PTPRD: variants seen among roughly 807,000 people sequenced by gnomAD.
PTPRD encodes protein tyrosine phosphatase receptor type D.
Under a neutral mutation model 214.5 loss-of-function variants are expected in PTPRD, and 34 were observed. The observed-to-expected ratio is 0.16, with a 90% CI of 0.12 to 0.21. The LOEUF is 0.21. PTPRD is among the 10% of genes least tolerant of loss of function. PTPRD has a pLI of 1.00. For missense variants in PTPRD, 2,545 were observed against 2,398.7 expected (o/e 1.06, Z -1.27); for synonymous variants, 1,128 against 845.7 (o/e 1.33, Z -5.79).
At chr9:9,026,457 A>G (rs3887368) in intron 10 of PTPRD, among the ~76,000 whole-genome samples, 19,641 of 151,918 alleles carry the variant, frequency 0.13, 1,520 homozygotes, top group East Asian at 0.33. Flanking sequence ...GATCAAGCCT[A>G]TTATCTGTTA....
At chr9:10,128,482 C>G (rs1030596371) in intron 3 of PTPRD, among the ~76,000 whole-genome samples, 1 of 152,130 alleles carries the variant, frequency 6.6e-6, no homozygotes, top group Non-Finnish European at 1.5e-5. Context: ...GAAGCTATGA[C>G]TGAGGCATGA....
rs545688779 is a variant in PTPRD at position 9,510,659 on chromosome 9, A to G, written c.-237+64073T>C. ...GGCAAAATTACTTTTTTTTTTTTCT[A>G]GAAAAAAACATTTGCCATTCCTTTC... is the stretch of plus-strand genomic sequence containing the variant. On this transcript the variant is annotated intron_variant, in intron 8 of 45. Coordinates refer to ENST00000381196, the MANE Select transcript of PTPRD (RefSeq NM_002839.4). 7.3e-5 allele frequency among the ~76,000 whole-genome samples: 11 copies of G among 149,812 alleles called. No homozygotes were observed. In the South Asian group the frequency reaches 2.3e-3, roughly 31 times the overall value.
intron 8 of PTPRD, among the ~76,000 whole-genome samples, chr9:9,484,841 C>T (rs538075174): frequency 1.3e-5 from 2 of 152,160 alleles, no homozygotes; most frequent in Non-Finnish European, 2.9e-5. Flanking sequence ...TCTATATACC[C>T]GGTTTTTATT....
intron 11 of PTPRD, among the ~76,000 whole-genome samples, chr9:8,871,369 CAT>C (rs994929050): frequency 5.4e-5 from 6 of 111,572 alleles, no homozygotes; most frequent in Admixed American, 4.1e-4. Flanking sequence ...AAATGTGGGG[CAT>C]ACACATAGGC....
chr9:9,331,884 C>T (rs184787060), intron 9 of PTPRD, among the ~76,000 whole-genome samples: 36 of 152,018 alleles, frequency 2.4e-4, no homozygotes, highest in Middle Eastern at 3.4e-3. Context: ...TGTTGATATG[C>T]CCAACATAGC....
intron 3 of PTPRD, among the ~76,000 whole-genome samples, chr9:10,102,644 T>C (rs1339205686): frequency 6.6e-6 from 1 of 151,630 alleles, no homozygotes; most frequent in African/African-American, 2.4e-5. Flanking sequence ...GGATTTCAGA[T>C]ATTCCCCTAG....
chr9:9,571,961 T>C (rs994897859), intron 8 of PTPRD, among the ~76,000 whole-genome samples: 4 of 151,270 alleles, frequency 2.6e-5, no homozygotes, highest in Non-Finnish European at 5.9e-5. Flanking sequence ...AACGATATTA[T>C]GGTTTAGAGA....
chr9:9,102,915 T>A (rs578054303), intron 10 of PTPRD, among the ~76,000 whole-genome samples: 1 of 152,298 alleles, frequency 6.6e-6, no homozygotes, highest in South Asian at 2.1e-4. Flanking sequence ...TTGAGCAGAG[T>A]GATTTTGTTT....
intron 3 of PTPRD, among the ~76,000 whole-genome samples, chr9:10,147,043 A>G (rs2099027926): frequency 6.6e-6 from 1 of 152,144 alleles, no homozygotes; most frequent in East Asian, 1.9e-4. Flanking sequence ...TGCCAAAATG[A>G]GACCATTAAC....
chr9:8,793,940 G>T (rs1253805226), intron 11 of PTPRD, among the ~76,000 whole-genome samples: 2 of 152,168 alleles, frequency 1.3e-5, no homozygotes, highest in African/African-American at 2.4e-5. Context: ...TTTACCCAAA[G>T]GAGAATTACC....
At chr9:8,775,948 C>T (rs1007041410) in intron 11 of PTPRD, among the ~76,000 whole-genome samples, 1 of 152,062 alleles carries the variant, frequency 6.6e-6, no homozygotes, top group Admixed American at 6.5e-5. Context: ...TGGGCCAGTC[C>T]TAACTCCTAG....
chr9:9,121,799 C>T (rs2099817869), intron 10 of PTPRD, among the ~76,000 whole-genome samples: 1 of 152,102 alleles, frequency 6.6e-6, no homozygotes, highest in Admixed American at 6.6e-5. Flanking sequence ...CAAATACCAC[C>T]TGTATCCCAA....
At chr9:8,531,375 TG>T (rs1564112816) in intron 14 of PTPRD, among the ~76,000 whole-genome samples, 2 of 152,024 alleles carry the variant, frequency 1.3e-5, no homozygotes, top group African/African-American at 4.8e-5. Flanking sequence ...CTGATGTTGC[TG>T]GGGGGAAAAA....
intron 2 of PTPRD, among the ~76,000 whole-genome samples, chr9:10,364,000 T>TGC (rs2097455255): frequency 1.6e-5 from 2 of 128,158 alleles, no homozygotes; most frequent in Admixed American, 8.1e-5. Context: ...GGTTTTTTTT[T>TGC]TTTTTTTTTT....
chr9:8,825,265 G>A (rs1254891786), intron 11 of PTPRD, among the ~76,000 whole-genome samples: 2 of 152,198 alleles, frequency 1.3e-5, no homozygotes, highest in African/African-American at 4.8e-5. Context: ...GGTTTTTATT[G>A]GCTTTACAAG....
chr9:10,608,899 C>T (rs1487134372), intron 2 of PTPRD, among the ~76,000 whole-genome samples: 1 of 151,856 alleles, frequency 6.6e-6, no homozygotes, highest in Non-Finnish European at 1.5e-5. Flanking sequence ...TTACGGATGC[C>T]AAATGCTTTT....
chr9:9,333,367 G>A (rs935388437), intron 9 of PTPRD, among the ~76,000 whole-genome samples: 3 of 151,054 alleles, frequency 2.0e-5, no homozygotes, highest in Admixed American at 6.6e-5. Context: ...GAGGGGAGAG[G>A]ATGGAGTAAA....
chr9:9,981,118 G>A (rs1327491016), intron 4 of PTPRD, among the ~76,000 whole-genome samples: 1 of 152,050 alleles, frequency 6.6e-6, no homozygotes, highest in Admixed American at 6.5e-5. Context: ...TTTTAGTGGA[G>A]GAATTCGTAG....
At chr9:10,233,103 C>T (rs1245141893) in intron 3 of PTPRD, among the ~76,000 whole-genome samples, 5 of 151,988 alleles carry the variant, frequency 3.3e-5, no homozygotes, top group Admixed American at 2.0e-4. Flanking sequence ...TATTAAATTA[C>T]TGAAACCTTT....
Sources: allele counts gnomAD v4.1 joint callset (sites outside exome capture counted in the v4.1 genomes callset), GRCh38; gene constraint gnomAD v4.1.1; transcripts MANE v1.5; gene names NCBI Gene and HGNC (gene_info 2026-07-23, HGNC 2026-07-21).